TMEM255B: variants seen among roughly 807,000 people sequenced by gnomAD.
TMEM255B encodes transmembrane protein 255B, also known as family with sequence similarity 70, member B.
Under a neutral mutation model 34.5 loss-of-function variants are expected in TMEM255B, and 35 were observed. The observed-to-expected ratio is 1.01, with a 90% CI of 0.77 to 1.34. The LOEUF (loss-of-function observed/expected upper bound fraction) is 1.34, where lower values mean the gene tolerates loss of function less well. Among genes scored for constraint, TMEM255B ranks in the 40% most tolerant of loss-of-function variants. The pLI is 0.00. For missense variants in TMEM255B, 432 were observed against 433.2 expected, an observed-to-expected ratio of 1.00 and a Z score of 0.02; for synonymous variants, 206 against 201.2, an observed-to-expected ratio of 1.02 and a Z score of -0.20.
rs2051358704 is a variant in TMEM255B, at chr13:113,813,035, G to GT, written c.*1132_*1133insT. On this transcript the variant is annotated 3_prime_UTR_variant, in exon 9 of 9. Transcript: ENST00000375353. The stretch of plus-strand genomic sequence containing the variant: ...GTCACGGGTCCCGGGTGGGTCACAG[G>GT]CGCCCCAGTGACAGGAGTTCAGGAT... 14 of 150,836 alleles carry GT rather than the reference G, an allele frequency of 9.3e-5. No homozygotes were observed. Among genetic ancestry groups the GT allele is most frequent in the South Asian group, 2.0e-4 (1 of 4,906 alleles). 9.3% of individuals were successfully genotyped at this position (150,836 alleles called of 1,614,324 possible).
intron 3 of TMEM255B, among the ~76,000 whole-genome samples, chr13:113,771,410 G>C (rs2050475713): frequency 6.6e-6 from 1 of 152,192 alleles, no homozygotes. Context: ...GGCCGGACAC[G>C]GTGGCTCATG....
chr13:113,774,077 C>T (rs1594123513), intron 3 of TMEM255B, among the ~76,000 whole-genome samples: 1 of 150,934 alleles, frequency 6.6e-6, no homozygotes. Context: ...CGCAATGAAC[C>T]CTCCTTGCCC....
intron 8 of TMEM255B, among the ~76,000 whole-genome samples, chr13:113,809,849 G>C (rs556347464): frequency 9.2e-5 from 14 of 152,228 alleles, no homozygotes; most frequent in African/African-American, 3.1e-4. Flanking sequence ...TGGAAGTTGG[G>C]AGCTCCCAGC....
At chr13:113,799,905 C>T in intron 5 of TMEM255B, 1 of 1,233,814 alleles carries the variant, frequency 8.1e-7, no homozygotes, top group South Asian at 1.3e-5. Context: ...ACGGCGCTCT[C>T]TGTGTGTCTC....
rs766455450 is a variant in TMEM255B, at chr13:113,766,120, CT to C, written c.55del (p.Ser19ArgfsTer21). On this transcript the variant is annotated frameshift_variant, in exon 2 of 9. Coordinates refer to ENST00000375353, the MANE Select transcript of TMEM255B (RefSeq NM_182614.4). LOFTEE classifies it high-confidence loss of function. ...PLGLLDPAEG[L>X]SRRKKTSLWF... is the part of the protein sequence containing the mutation. ...CCTCGCCTTCCTCCCCACAGAAGGG[CT>C]TTCGAGGAGGAAGAAGACGTCGCTC... 17 of 1,614,166 alleles carry C rather than the reference CT, an allele frequency of 1.1e-5. No individual in the cohort carries two copies. In the South Asian group the frequency reaches 1.9e-4, roughly 18 times the overall value.
At chr13:113,801,278 C>T (rs1454769007) in intron 6 of TMEM255B, among the ~76,000 whole-genome samples, 1 of 152,236 alleles carries the variant, frequency 6.6e-6, no homozygotes, top group African/African-American at 2.4e-5. Context: ...GGCCTGGCCT[C>T]TGAGGCCCCA....
intron 3 of TMEM255B, among the ~76,000 whole-genome samples, chr13:113,790,508 A>T (rs1240254480): frequency 9.5e-6 from 1 of 104,976 alleles, no homozygotes; most frequent in Non-Finnish European, 2.0e-5. Flanking sequence ...ACACATGGAC[A>T]TCCTAGCTGT....
At chr13:113,811,529 G>A (rs1482346594) in intron 8 of TMEM255B, among the ~76,000 whole-genome samples, 1 of 135,782 alleles carries the variant, frequency 7.4e-6, no homozygotes, top group East Asian at 2.3e-4. Context: ...GGGGCCCTGT[G>A]TGAGTGGCCC....
chr13:113,789,148 C>T (rs960586036), intron 3 of TMEM255B, among the ~76,000 whole-genome samples: 1 of 151,798 alleles, frequency 6.6e-6, no homozygotes, highest in Non-Finnish European at 1.5e-5. Context: ...TCACCATGAC[C>T]TTATGCTCAG....
chr13:113,782,682 GGC>G (rs2050683758), intron 3 of TMEM255B, among the ~76,000 whole-genome samples: 2 of 151,492 alleles, frequency 1.3e-5, no homozygotes, highest in Non-Finnish European at 2.9e-5. Context: ...CGGAGGGGGG[GGC>G]TTCATTATGA....
chr13:113,766,449 G>A, intron 2 of TMEM255B, 192 bp downstream of exon 2: 1 of 816,764 alleles, frequency 1.2e-6, no homozygotes, highest in Non-Finnish European at 2.0e-6. Context: ...ACAGTGGCAG[G>A]TCCAAGGCAG....
At chr13:113,774,638 C>A (rs373365722) in intron 3 of TMEM255B, among the ~76,000 whole-genome samples, 28 of 92,242 alleles carry the variant, frequency 3.0e-4, no homozygotes, top group African/African-American at 1.7e-3. Flanking sequence ...ATACCACACA[C>A]CACACACACT....
At chr13:113,784,130 TTG>T (rs2138546441) in intron 3 of TMEM255B, among the ~76,000 whole-genome samples, 1 of 152,068 alleles carries the variant, frequency 6.6e-6, no homozygotes, top group East Asian at 1.9e-4. Flanking sequence ...TAAGCCAAGT[TTG>T]GTGAGGTTGT....
At chr13:113,795,574 G>C (rs1331929626) in intron 4 of TMEM255B, among the ~76,000 whole-genome samples, 1 of 127,138 alleles carries the variant, frequency 7.9e-6, no homozygotes, top group East Asian at 2.4e-4. Context: ...ACAACACACA[G>C]AGCACACAGC....
In TMEM255B at chr13:113,813,676, A is replaced by T. The variant is rs1415705202; in HGVS notation, c.*1773A>T. 1.3e-5 allele frequency: 2 copies of T among 152,332 alleles called. No individual in the cohort carries two copies. Among genetic ancestry groups the T allele is most frequent in the East Asian group, 3.9e-4 (2 of 5,136 alleles). 9.4% of individuals were successfully genotyped at this position (152,332 alleles called of 1,614,324 possible). ...CAGAAGGCCCACAGCGCACATCCAC[A>T]CATGAACGGTGGCTGGCTGGGCCCA... On this transcript the variant is annotated 3_prime_UTR_variant, in exon 9 of 9. Coordinates refer to ENST00000375353, the MANE Select transcript of TMEM255B (RefSeq NM_182614.4).
chr13:113,760,142 C>G lies in TMEM255B; in HGVS notation c.46+827C>G, dbSNP rs191141097. Among the ~76,000 whole-genome samples, 111 of 152,310 alleles carry G rather than the reference C, an allele frequency of 7.3e-4. 1 individual carries two copies. The highest frequency in any genetic ancestry group is 1.5e-4 in the Non-Finnish European group (10 of 68,026). On this transcript the variant is annotated intron_variant, in intron 1 of 8. Coordinates refer to ENST00000375353, the MANE Select transcript of TMEM255B (RefSeq NM_182614.4). ...TGTCTAGGGGGCTCTGCCGCTCCCT[C>G]AGAAATAATCCAACACAAACTTCTG...
intron 8 of TMEM255B, among the ~76,000 whole-genome samples, chr13:113,810,551 C>T (rs533812027): frequency 1.2e-3 from 176 of 152,310 alleles, no homozygotes; most frequent in Non-Finnish European, 2.0e-3. Context: ...TCCATCGATT[C>T]TGAATGACTG....
chr13:113,779,788 TTAATC>T (rs1313149151), intron 3 of TMEM255B, among the ~76,000 whole-genome samples: 1 of 152,222 alleles, frequency 6.6e-6, no homozygotes, highest in African/African-American at 2.4e-5. Flanking sequence ...AAATTAGAAT[TTAATC>T]TAAACTGTAG....
At chr13:113,807,606 T>A (rs1228164611) in intron 8 of TMEM255B, among the ~76,000 whole-genome samples, 3 of 67,496 alleles carry the variant, frequency 4.4e-5, no homozygotes, top group East Asian at 5.8e-4. Context: ...CTGTCACACG[T>A]GGGCTTACGG....
Sources: allele counts gnomAD v4.1 joint callset (sites outside exome capture counted in the v4.1 genomes callset), GRCh38; gene constraint gnomAD v4.1.1; transcripts MANE v1.5; gene names NCBI Gene and HGNC (gene_info 2026-07-23, HGNC 2026-07-21).